PLPPR1: variants seen among roughly 807,000 people sequenced by gnomAD.
PLPPR1 encodes phospholipid phosphatase-related protein type 1.
In PLPPR1, 10 loss-of-function variants were observed where a neutral mutation model predicts 33.1. The ratio of observed to expected loss-of-function variants is 0.30; its 90% confidence interval spans 0.19 to 0.51. PLPPR1 has a LOEUF of 0.51. Among genes scored for constraint, PLPPR1 ranks in the 20% least tolerant of loss-of-function variants. The pLI is 0.97. For missense variants in PLPPR1, 304 were observed against 408.1 expected (o/e 0.74, Z 2.20); for synonymous variants, 151 against 151.0 (o/e 1.00, Z 0.00).
intron 1 of PLPPR1, among the ~76,000 whole-genome samples, chr9:101,093,363 T>C (rs902937983): frequency 6.6e-6 from 1 of 152,176 alleles, no homozygotes; most frequent in Non-Finnish European, 1.5e-5. Flanking sequence ...CTGGGGAATC[T>C]TGAAAGCTAG....
chr9:101,171,975 C>T (rs1378497571), intron 1 of PLPPR1, among the ~76,000 whole-genome samples: 4 of 94,720 alleles, frequency 4.2e-5, no homozygotes, highest in African/African-American at 7.1e-5. Context: ...ACTCTCACGT[C>T]TCATTCTTAT....
intron 7 of PLPPR1, among the ~76,000 whole-genome samples, chr9:101,323,572 G>T (rs186781638): frequency 1.3e-5 from 2 of 152,202 alleles, no homozygotes; most frequent in Non-Finnish European, 2.9e-5. Context: ...AGGCATGGTG[G>T]CTCATGCCTA....
At chr9:101,170,772 C>T (rs1825931388) in intron 1 of PLPPR1, among the ~76,000 whole-genome samples, 1 of 151,946 alleles carries the variant, frequency 6.6e-6, no homozygotes, top group African/African-American at 2.4e-5. Context: ...TCTATCTTTA[C>T]AAAAACATTT....
intron 7 of PLPPR1, among the ~76,000 whole-genome samples, chr9:101,320,028 G>C (rs1217822619): frequency 6.6e-6 from 1 of 152,118 alleles, no homozygotes; most frequent in Non-Finnish European, 1.5e-5. Flanking sequence ...ATCAGGCCTA[G>C]AGATGTCCAG....
intron 1 of PLPPR1, among the ~76,000 whole-genome samples, chr9:101,048,892 A>G (rs1439603212): frequency 6.6e-6 from 1 of 152,242 alleles, no homozygotes; most frequent in East Asian, 1.9e-4. Context: ...CAAGAACATT[A>G]CAAAATGATA....
At chr9:101,103,174 G>C (rs1429298138) in intron 1 of PLPPR1, among the ~76,000 whole-genome samples, 1 of 131,082 alleles carries the variant, frequency 7.6e-6, no homozygotes, top group Non-Finnish European at 1.6e-5. Flanking sequence ...GTCAATTTTG[G>C]CTTTTGTTAC....
intron 2 of PLPPR1, among the ~76,000 whole-genome samples, chr9:101,240,409 A>ACTGTTTTTTT (rs1564012614): frequency 4.6e-5 from 7 of 151,650 alleles, no homozygotes; most frequent in African/African-American, 1.5e-4. Context: ...AAATTTTAGA[A>ACTGTTTTTTT]TTGTTTTTTT....
intron 4 of PLPPR1, among the ~76,000 whole-genome samples, chr9:101,295,644 G>C (rs1166129540): frequency 1.3e-4 from 19 of 150,020 alleles, no homozygotes; most frequent in South Asian, 4.2e-4. Flanking sequence ...CAGAAATAAC[G>C]CCACATATCT....
intron 1 of PLPPR1, among the ~76,000 whole-genome samples, chr9:101,057,992 G>T (rs978699095): frequency 1.3e-5 from 2 of 152,074 alleles, no homozygotes; most frequent in African/African-American, 4.8e-5. Context: ...CTACCTTCAT[G>T]CTCTGCCCCA....
intron 1 of PLPPR1, among the ~76,000 whole-genome samples, chr9:101,155,816 T>A (rs1254068931): frequency 1.3e-5 from 2 of 151,958 alleles, no homozygotes; most frequent in Admixed American, 6.6e-5. Flanking sequence ...GTCAGTCTAG[T>A]CTCTAACTCC....
chr9:101,170,736 G>A (rs576918120), intron 1 of PLPPR1, among the ~76,000 whole-genome samples: 1 of 152,162 alleles, frequency 6.6e-6, no homozygotes, highest in Non-Finnish European at 1.5e-5. Flanking sequence ...AGGGGTTTAA[G>A]ATCAGCCTGG....
chr9:101,132,794 C>T (rs1446457116), intron 1 of PLPPR1, among the ~76,000 whole-genome samples: 1 of 152,140 alleles, frequency 6.6e-6, no homozygotes, highest in Admixed American at 6.5e-5. Flanking sequence ...ACCTTCCTCC[C>T]AATTTTGCTG....
intron 1 of PLPPR1, among the ~76,000 whole-genome samples, chr9:101,120,652 T>C (rs1414952333): frequency 1.3e-5 from 2 of 152,160 alleles, no homozygotes; most frequent in African/African-American, 4.8e-5. Flanking sequence ...ATGGAGATGA[T>C]TACACCACCA....
intron 2 of PLPPR1, among the ~76,000 whole-genome samples, chr9:101,238,114 C>T (rs137871820): frequency 0.018 from 2,369 of 133,256 alleles, 25 homozygotes; most frequent in Middle Eastern, 0.062. Context: ...AGCCTATATA[C>T]GTGTGTGTAT....
intron 1 of PLPPR1, among the ~76,000 whole-genome samples, chr9:101,176,544 G>T (rs1435710623): frequency 6.6e-6 from 1 of 152,160 alleles, no homozygotes; most frequent in African/African-American, 2.4e-5. Flanking sequence ...CCACCTAGGG[G>T]CAGTAATGAG....
At chr9:101,066,839 C>A (rs1004826115) in intron 1 of PLPPR1, among the ~76,000 whole-genome samples, 3 of 151,930 alleles carry the variant, frequency 2.0e-5, no homozygotes, top group Non-Finnish European at 2.9e-5. Flanking sequence ...TATTAGAAAC[C>A]AAGAACTAGC....
At chr9:101,093,326 T>C (rs1830772749) in intron 1 of PLPPR1, among the ~76,000 whole-genome samples, 1 of 152,194 alleles carries the variant, frequency 6.6e-6, no homozygotes, top group Non-Finnish European at 1.5e-5. Flanking sequence ...CAAGCCCATG[T>C]AGAAAATATG....
chr9:101,106,251 C>T (rs1194763248), intron 1 of PLPPR1, among the ~76,000 whole-genome samples: 1 of 143,568 alleles, frequency 7.0e-6, no homozygotes, highest in East Asian at 2.1e-4. Context: ...TCTCGATGGT[C>T]TTTACATTTT....
intron 4 of PLPPR1, among the ~76,000 whole-genome samples, chr9:101,292,974 T>C (rs1423267517): frequency 2.6e-5 from 4 of 152,024 alleles, no homozygotes; most frequent in Admixed American, 2.6e-4. Flanking sequence ...TAAATGTAAA[T>C]GGACTAAATG....
Sources: allele counts gnomAD v4.1 joint callset (sites outside exome capture counted in the v4.1 genomes callset), GRCh38; gene constraint gnomAD v4.1.1; transcripts MANE v1.5; gene names NCBI Gene and HGNC (gene_info 2026-07-23, HGNC 2026-07-21).